Variants in CALU observed in about 807,000 individuals in gnomAD.
CALU encodes the protein calumenin, also known as IEF SSP 9302.
A neutral mutation model predicts 37.5 loss-of-function variants in CALU; 13 were observed. That is an observed-to-expected ratio of 0.35 (90% confidence interval 0.23 to 0.55). CALU has a LOEUF of 0.55. Ranked by LOEUF, CALU falls within the 20% of genes least tolerant of loss-of-function variation. The pLI is 0.89. For synonymous variants in CALU, 114 were observed against 133.8 expected, an observed-to-expected ratio of 0.85 and a Z score of 1.02; for missense variants, 282 against 391.7, an observed-to-expected ratio of 0.72 and a Z score of 2.36.
intron 5 of CALU, among the ~76,000 whole-genome samples, chr7:128,766,708 A>G (rs889639142): frequency 6.6e-6 from 1 of 151,800 alleles, no homozygotes; most frequent in Non-Finnish European, 1.5e-5. Context: ...CTGCCTGCCT[A>G]GGCCTCCCAA....
intron 6 of CALU, among the ~76,000 whole-genome samples, chr7:128,768,613 C>A (rs575009935): frequency 2.0e-5 from 3 of 151,936 alleles, no homozygotes; most frequent in Non-Finnish European, 4.4e-5. Context: ...CCAAGGCAGG[C>A]GGATCACCTG....
rs1485422090 is a variant in CALU at position 128,764,580 on chromosome 7, T to TA, written c.644-2874dup. On this transcript the variant is annotated intron_variant, in intron 5 of 6. Transcript: ENST00000249364. ...TTTGGACACGACAACTTTAAAAAGATAATCAAGAAATTTAAATTCAGTCTG... is the reference window on the plus strand; with the variant it reads ...TTTGGACACGACAACTTTAAAAAGATAAATCAAGAAATTTAAATTCAGTCTG... 2.0e-5 allele frequency among the ~76,000 whole-genome samples: 3 copies of TA among 152,344 alleles called. No individual in the cohort carries two copies. The South Asian group carries it at 6.2e-4, about 32-fold the overall frequency.
At chr7:128,763,019 ACAAT>A (rs1172148269) in intron 5 of CALU, among the ~76,000 whole-genome samples, 1 of 152,120 alleles carries the variant, frequency 6.6e-6, no homozygotes, top group East Asian at 1.9e-4. Context: ...AACCTCAACA[ACAAT>A]CAACTTACAG....
rs1353257377 is a variant in CALU, at chr7:128,773,287, T to G, written c.*4120T>G. Among the ~76,000 whole-genome samples the G allele has an allele frequency of 6.6e-6, 1 of 152,246 alleles. No homozygotes were observed. Among genetic ancestry groups the G allele is most frequent in the Non-Finnish European group, 1.5e-5 (1 of 68,040 alleles). On this transcript the variant is annotated 3_prime_UTR_variant, in exon 7 of 7. Transcript: ENST00000249364. ...AATCTGAGTTTTTATTTTTATTTTT[T>G]TAATTTTATTTAAGTTCCAGGATAC...
chr7:128,741,063 C>G (rs1312135069), intron 1 of CALU, among the ~76,000 whole-genome samples: 1 of 152,108 alleles, frequency 6.6e-6, no homozygotes, highest in African/African-American at 2.4e-5. Flanking sequence ...TTTTCTGTAA[C>G]GTAGGTATAC....
rs71162530 is a variant in CALU, at chr7:128,746,762, CTTTTTTTTTT to C, written c.-11-1796_-11-1787del. Among the ~76,000 whole-genome samples the C allele has an allele frequency of 2.8e-3, 349 of 122,598 alleles. 2 individuals are homozygous for C. Among genetic ancestry groups the C allele is most frequent in the Non-Finnish European group, 4.3e-3 (258 of 60,630 alleles). The allele number at this position is 122,598 out of a possible 152,430, so 80.4% of individuals were successfully genotyped here. ...CCACCACCCCCGGCCTCATGTCATT[CTTTTTTTTTT>C]TTTTTTTTTTTTTTGAGACGGAGTC... On this transcript the variant is annotated intron_variant, in intron 1 of 6. Coordinates refer to ENST00000249364, the MANE Select transcript of CALU (RefSeq NM_001219.5).
At position 128,769,916 on chromosome 7, in the gene CALU, G is replaced by C. The variant is rs1370859579; in HGVS notation, c.*749G>C. The C allele has an allele frequency of 2.0e-5, 3 of 152,228 alleles. No homozygotes were observed. The allele number at this position is 152,228 out of a possible 1,614,324, so 9.4% of individuals were successfully genotyped here. A position where few individuals can be genotyped will look rare whatever the true frequency, so the allele number is the denominator to read the frequency against. ...GTAGTGAATGTGATCTCTTTGCAGA[G>C]CTATAGATAGAAACAGCTGGAAAAC... is the stretch of plus-strand genomic sequence containing the variant. On this transcript the variant is annotated 3_prime_UTR_variant, in exon 7 of 7. Coordinates refer to ENST00000249364, the MANE Select transcript of CALU (RefSeq NM_001219.5).
chr7:128,768,864 A>AAAAAAAAAAAAAAAC (rs1481516494), intron 6 of CALU, among the ~76,000 whole-genome samples, 199 bp from the exon 7 acceptor site: 2 of 148,984 alleles, frequency 1.3e-5, no homozygotes, highest in East Asian at 1.9e-4. Context: ...AAAAAAAAAA[A>AAAAAAAAAAAAAAAC]AAAACAAGGA....
At chr7:128,746,518 A>G (rs1714071231) in intron 1 of CALU, among the ~76,000 whole-genome samples, 2 of 151,720 alleles carry the variant, frequency 1.3e-5, no homozygotes. Flanking sequence ...CAGTGGTACA[A>G]TCTCAGCTAA....
chr7:128,750,886 T>G (rs887169693), intron 2 of CALU, among the ~76,000 whole-genome samples: 1 of 152,186 alleles, frequency 6.6e-6, no homozygotes, highest in African/African-American at 2.4e-5. Flanking sequence ...TTTAAAACAA[T>G]TCAATATACA....
intron 2 of CALU, among the ~76,000 whole-genome samples, chr7:128,753,718 C>T (rs1437972429): frequency 1.3e-5 from 2 of 151,918 alleles, no homozygotes; most frequent in Non-Finnish European, 2.9e-5. Flanking sequence ...ATAAATGATC[C>T]CAGAACTTTT....
At chr7:128,768,921 A>G (rs911551744) in intron 6 of CALU, 142 bp from the exon 7 acceptor site, 2 of 506,654 alleles carry the variant, frequency 3.9e-6, no homozygotes, top group Admixed American at 3.3e-5. Context: ...TGTAGGGGGA[A>G]TGAGGGCTGA....
At chr7:128,743,220 TAGAG>T (rs1390550435) in intron 1 of CALU, among the ~76,000 whole-genome samples, 2 of 152,116 alleles carry the variant, frequency 1.3e-5, no homozygotes, top group Admixed American at 6.5e-5. Flanking sequence ...GACAGAATTT[TAGAG>T]AGAGAAACTC....
intron 1 of CALU, among the ~76,000 whole-genome samples, chr7:128,745,729 TTTGA>T (rs1342522532): frequency 6.6e-6 from 1 of 152,234 alleles, no homozygotes; most frequent in African/African-American, 2.4e-5. Flanking sequence ...CTTTAACTGA[TTTGA>T]TTGATCAGTT....
chr7:128,740,711 C>T (rs1004255965), intron 1 of CALU, among the ~76,000 whole-genome samples: 1 of 152,068 alleles, frequency 6.6e-6, no homozygotes, highest in Non-Finnish European at 1.5e-5. Context: ...AAGCCATGAG[C>T]TCACAAAAAT....
chr7:128,758,562 C>T (rs929153606), intron 3 of CALU, among the ~76,000 whole-genome samples: 1 of 152,174 alleles, frequency 6.6e-6, no homozygotes, highest in Non-Finnish European at 1.5e-5. Flanking sequence ...TTGAGAGCCA[C>T]CACTGCCTTC....
In CALU at chr7:128,759,858, T is replaced by A; in HGVS notation, c.643+6T>A. 1.5e-6 allele frequency: 2 copies of A among 1,307,496 alleles called. No homozygotes were observed. The highest frequency in any genetic ancestry group is 2.2e-6 in the Non-Finnish European group (2 of 901,518). 81.0% of individuals were successfully genotyped at this position (1,307,496 alleles called of 1,614,324 possible). A position where few individuals can be genotyped will look rare whatever the true frequency, so the allele number is the denominator to read the frequency against. On this transcript the variant is annotated splice_donor_region_variant and intron_variant, in intron 5 of 6. Transcript: ENST00000249364. Reference sequence around the variant, plus strand: ...TGATCTAGAAGAGTATATTGGTAAGTCTCTGCTTTTAGTGTTTTTCTTAGA... The same window carrying A: ...TGATCTAGAAGAGTATATTGGTAAGACTCTGCTTTTAGTGTTTTTCTTAGA...
intron 1 of CALU, among the ~76,000 whole-genome samples, chr7:128,747,115 A>G (rs1490630839): frequency 6.8e-6 from 1 of 146,040 alleles, no homozygotes; most frequent in African/African-American, 2.4e-5. Context: ...GATTTAATAT[A>G]TTTTACCAAT....
chr7:128,741,817 G>A (rs1328224986), intron 1 of CALU, among the ~76,000 whole-genome samples: 1 of 152,120 alleles, frequency 6.6e-6, no homozygotes, highest in Non-Finnish European at 1.5e-5. Flanking sequence ...GCTTGTCAAC[G>A]AAAAGGAAAC....
Sources: gnomAD v4.1 joint callset for allele counts (sites outside exome capture counted in the v4.1 genomes callset) on GRCh38, gnomAD v4.1.1 for gene constraint, MANE v1.5 for transcripts, NCBI Gene and HGNC (gene_info 2026-07-23, HGNC 2026-07-21) for gene names.